Variants in LUZP2 observed in about 807,000 individuals in gnomAD.
The protein encoded by LUZP2 is leucine zipper protein 2.
In LUZP2, 52 loss-of-function variants were observed where a neutral mutation model predicts 51.6. That is an observed-to-expected ratio of 1.01 (90% confidence interval 0.81 to 1.27). The LOEUF (loss-of-function observed/expected upper bound fraction) is 1.27. Among genes scored for constraint, LUZP2 ranks in the 50% most tolerant of loss-of-function variants. The pLI is 0.00. For missense variants in LUZP2, 436 were observed against 395.4 expected, an observed-to-expected ratio of 1.10 and a Z score of -0.87; for synonymous variants, 154 against 137.3, an observed-to-expected ratio of 1.12 and a Z score of -0.85.
chr11:24,763,402 A>T, intron 5 of LUZP2, 94 bp downstream of exon 5: 1 of 473,126 alleles, frequency 2.1e-6, no homozygotes, highest in Non-Finnish European at 3.7e-6. Flanking sequence ...AGTATTAAAC[A>T]CTTGCATATT....
chr11:24,878,671 C>T lies in LUZP2; in HGVS notation c.397-27320C>T, dbSNP rs1003723284. On this transcript the variant is annotated intron_variant, in intron 5 of 11. Transcript: ENST00000336930. ...TTAATTTTTATTTTAGTTTCAGTTC[C>T]GGGACACATGTGCAGAAAGTACAGG... 2.6e-5 allele frequency among the ~76,000 whole-genome samples: 4 copies of T among 151,274 alleles called. No homozygotes were observed. In the South Asian group the frequency reaches 6.2e-4, roughly 24 times the overall value.
chr11:24,789,673 A>G (rs1849353209), intron 5 of LUZP2, among the ~76,000 whole-genome samples: 1 of 152,204 alleles, frequency 6.6e-6, no homozygotes, highest in Non-Finnish European at 1.5e-5. Context: ...TCACAGTTCC[A>G]GAAGCTGGGA....
chr11:24,843,709 A>T (rs1851105786), intron 5 of LUZP2, among the ~76,000 whole-genome samples: 1 of 152,158 alleles, frequency 6.6e-6, no homozygotes, highest in South Asian at 2.1e-4. Context: ...AACTCACACA[A>T]TTCCCACATA....
chr11:24,568,841 G>A (rs1852333592), intron 1 of LUZP2, among the ~76,000 whole-genome samples: 1 of 151,960 alleles, frequency 6.6e-6, no homozygotes, highest in Non-Finnish European at 1.5e-5. Flanking sequence ...TGATGGAGAT[G>A]GTAAATAGCC....
intron 5 of LUZP2, among the ~76,000 whole-genome samples, chr11:24,783,139 T>C (rs534178772): frequency 6.6e-6 from 1 of 152,170 alleles, no homozygotes; most frequent in Non-Finnish European, 1.5e-5. Context: ...TTTGTAACTA[T>C]CACAAGCACA....
intron 1 of LUZP2, among the ~76,000 whole-genome samples, chr11:24,558,404 A>T (rs1509611): frequency 6.6e-6 from 1 of 151,542 alleles, no homozygotes; most frequent in Admixed American, 6.6e-5. Flanking sequence ...ATCTCTATAT[A>T]TAGCCTATCA....
intron 1 of LUZP2, among the ~76,000 whole-genome samples, chr11:24,542,826 G>A (rs1223378564): frequency 1.3e-5 from 2 of 151,624 alleles, no homozygotes; most frequent in Middle Eastern, 3.4e-3. Flanking sequence ...ATGTATCAGC[G>A]ACACTTCAGA....
chr11:24,986,051 T>C (rs1218131794), intron 9 of LUZP2, among the ~76,000 whole-genome samples: 2 of 151,722 alleles, frequency 1.3e-5, no homozygotes, highest in Non-Finnish European at 3.0e-5. Context: ...TACTCTCTAA[T>C]GTATATTTAA....
chr11:24,865,863 G>T (rs1851877889), intron 5 of LUZP2, among the ~76,000 whole-genome samples: 1 of 151,670 alleles, frequency 6.6e-6, no homozygotes, highest in African/African-American at 2.4e-5. Context: ...AGGCTGGAGT[G>T]CAGTGGCATG....
intron 1 of LUZP2, among the ~76,000 whole-genome samples, chr11:24,579,962 G>A (rs556060809): frequency 6.6e-5 from 10 of 152,206 alleles, no homozygotes; most frequent in African/African-American, 2.2e-4. Context: ...ATTTACCTTA[G>A]TGATCAGTAT....
intron 5 of LUZP2, among the ~76,000 whole-genome samples, chr11:24,866,235 C>T (rs1169080320): frequency 6.6e-6 from 1 of 152,040 alleles, no homozygotes; most frequent in Non-Finnish European, 1.5e-5. Context: ...CTTATCTCCA[C>T]TAATATCTTT....
At chr11:24,619,170 A>G (rs7931574) in intron 1 of LUZP2, among the ~76,000 whole-genome samples, 33,450 of 151,920 alleles carry the variant, frequency 0.22, 4,546 homozygotes, top group African/African-American at 0.38. Flanking sequence ...CTGAGACTAC[A>G]GATGTGCACC....
chr11:24,541,936 G>A (rs1322698728), intron 1 of LUZP2, among the ~76,000 whole-genome samples: 1 of 151,394 alleles, frequency 6.6e-6, no homozygotes, highest in Non-Finnish European at 1.5e-5. Flanking sequence ...TTAGTTTGTT[G>A]CCATAATAGG....
At chr11:25,000,492 A>C (rs1289432298) in intron 9 of LUZP2, among the ~76,000 whole-genome samples, 1 of 152,160 alleles carries the variant, frequency 6.6e-6, no homozygotes, top group African/African-American at 2.4e-5. Context: ...TTGGGGTTCC[A>C]TTTATAAGAC....
chr11:24,801,912 A>AT lies in LUZP2; in HGVS notation c.396+38613dup, dbSNP rs60968740. ...TTTGCAAATAGGTTTAATATCCCCA[A>AT]TTTTTTTTTAACTAAAATTTTTTGA... On this transcript the variant is annotated intron_variant, in intron 5 of 11. Coordinates refer to ENST00000336930, the MANE Select transcript of LUZP2 (RefSeq NM_001009909.4). Among the ~76,000 whole-genome samples the AT allele has an allele frequency of 1.0e-4, 15 of 150,502 alleles. No homozygotes were observed. The East Asian group carries it at 1.6e-3, about 16-fold the overall frequency.
intron 7 of LUZP2, among the ~76,000 whole-genome samples, chr11:24,944,822 T>A (rs574813332): frequency 6.6e-6 from 1 of 152,318 alleles, no homozygotes; most frequent in East Asian, 1.9e-4. Context: ...CTGAAAGACA[T>A]GCCTAAGTCA....
intron 5 of LUZP2, chr11:24,891,913 T>G (rs141933902): frequency 0.012 from 12,280 of 985,304 alleles, 41 homozygotes; most frequent in South Asian, 0.038. Context: ...AAGGGAGAAT[T>G]TATAATGGAA....
intron 10 of LUZP2, among the ~76,000 whole-genome samples, chr11:25,071,252 ATATT>A (rs1859149997): frequency 6.6e-6 from 1 of 152,056 alleles, no homozygotes; most frequent in South Asian, 2.1e-4. Context: ...TATTTCACAT[ATATT>A]TATATGTCTA....
intron 1 of LUZP2, among the ~76,000 whole-genome samples, chr11:24,538,716 T>C (rs1321095033): frequency 1.3e-5 from 2 of 151,652 alleles, no homozygotes; most frequent in East Asian, 1.9e-4. Flanking sequence ...TTTCTGATAA[T>C]TTATTTTGTA....
Sources: gnomAD v4.1 joint callset for allele counts (sites outside exome capture counted in the v4.1 genomes callset) on GRCh38, gnomAD v4.1.1 for gene constraint, MANE v1.5 for transcripts, NCBI Gene and HGNC (gene_info 2026-07-23, HGNC 2026-07-21) for gene names.